IPO11: variants seen among roughly 807,000 people sequenced by gnomAD.
The protein encoded by IPO11 is importin-11.
A neutral mutation model predicts 143.2 loss-of-function variants in IPO11; 66 were observed. That is an observed-to-expected ratio of 0.46 (90% CI 0.38 to 0.57). The LOEUF (loss-of-function observed/expected upper bound fraction) is 0.57. IPO11 is among the 20% of genes least tolerant of loss of function. IPO11 has a pLI of 0.00. For missense variants in IPO11, 1,026 were observed against 1,141.0 expected (o/e 0.90, Z 1.45); for synonymous variants, 385 against 377.8 (o/e 1.02, Z -0.22).
intron 24 of IPO11, among the ~76,000 whole-genome samples, chr5:62,546,132 T>G (rs1056205101): frequency 1.3e-5 from 2 of 152,210 alleles, no homozygotes; most frequent in Admixed American, 6.5e-5. Context: ...CATGCTGCTA[T>G]AAAGACACAT....
intron 9 of IPO11, among the ~76,000 whole-genome samples, chr5:62,479,893 A>G (rs1432769718): frequency 3.9e-5 from 6 of 151,912 alleles, no homozygotes; most frequent in South Asian, 2.1e-4. Context: ...TAGGTTGCCT[A>G]TTCACTCTCA....
intron 29 of IPO11, among the ~76,000 whole-genome samples, chr5:62,623,870 G>C (rs952078315): frequency 6.6e-6 from 1 of 151,400 alleles, no homozygotes; most frequent in South Asian, 2.1e-4. Flanking sequence ...TTATCCACCC[G>C]CCTCAGCCTT....
intron 27 of IPO11, among the ~76,000 whole-genome samples, chr5:62,571,590 A>G (rs1744132344): frequency 6.6e-6 from 1 of 152,204 alleles, no homozygotes; most frequent in Non-Finnish European, 1.5e-5. Context: ...ATAATAACTA[A>G]TAGAACACAT....
intron 29 of IPO11, among the ~76,000 whole-genome samples, chr5:62,616,744 A>AAT: frequency 7.0e-6 from 1 of 143,412 alleles, no homozygotes; most frequent in Non-Finnish European, 1.5e-5. Flanking sequence ...AAAAAAAAAA[A>AAT]ATCAGTGAGA....
intron 5 of IPO11, among the ~76,000 whole-genome samples, chr5:62,462,849 A>G (rs1745413129): frequency 6.7e-6 from 1 of 149,148 alleles, no homozygotes; most frequent in African/African-American, 2.5e-5. Context: ...TCTTACTTTT[A>G]ATTGAGGAAC....
chr5:62,613,569 C>T (rs1384965720), intron 29 of IPO11, among the ~76,000 whole-genome samples: 1 of 152,062 alleles, frequency 6.6e-6, no homozygotes, highest in African/African-American at 2.4e-5. Flanking sequence ...TCCCAAAGTA[C>T]TGGGATTACA....
At chr5:62,599,541 T>C (rs1745420159) in intron 28 of IPO11, among the ~76,000 whole-genome samples, 1 of 152,252 alleles carries the variant, frequency 6.6e-6, no homozygotes, top group African/African-American at 2.4e-5. Flanking sequence ...TTACTACAAG[T>C]ACCTTTAAAC....
intron 1 of IPO11, among the ~76,000 whole-genome samples, chr5:62,424,138 CT>C (rs11428881): frequency 7.2e-4 from 103 of 143,902 alleles, no homozygotes; most frequent in East Asian, 1.0e-3. Flanking sequence ...CCCACCTCAG[CT>C]TTTTTTTTTT....
intron 19 of IPO11, among the ~76,000 whole-genome samples, chr5:62,514,166 C>A (rs1044181246): frequency 6.6e-6 from 1 of 151,068 alleles, no homozygotes; most frequent in African/African-American, 2.5e-5. Context: ...CAGGCAGAGA[C>A]GCTCCTCACT....
At chr5:62,544,724 C>CTTA (rs1743093945) in intron 24 of IPO11, among the ~76,000 whole-genome samples, 1 of 152,136 alleles carries the variant, frequency 6.6e-6, no homozygotes, top group Non-Finnish European at 1.5e-5. Context: ...CCCAAAATCT[C>CTTA]CTTAAGCTGA....
chr5:62,589,411 T>C (rs750365927), intron 27 of IPO11, among the ~76,000 whole-genome samples: 1 of 152,156 alleles, frequency 6.6e-6, no homozygotes. Context: ...CCCTATTGGA[T>C]TGAGCCGAAG....
At chr5:62,580,099 TCA>T (rs766030459) in intron 27 of IPO11, 1 of 1,551,120 alleles carries the variant, frequency 6.4e-7, no homozygotes, top group Non-Finnish European at 8.7e-7. Flanking sequence ...AAAAGTACCA[TCA>T]AATGCCTTTG....
chr5:62,627,043 CAGAAGCAATTTTGTTACTGT>C, intron 29 of IPO11, 91 bp from the exon 30 acceptor site: 1 of 883,884 alleles, frequency 1.1e-6, no homozygotes, highest in Non-Finnish European at 1.7e-6. Flanking sequence ...AGAAGAGAGG[CAGAAGCAATTTTGTTACTGT>C]AGAAGAGATT....
chr5:62,476,354 A>T (rs181083680), intron 8 of IPO11, among the ~76,000 whole-genome samples: 1 of 152,268 alleles, frequency 6.6e-6, no homozygotes, highest in East Asian at 1.9e-4. Flanking sequence ...CTCCTTGACT[A>T]CTTTATTTTA....
intron 1 of IPO11, among the ~76,000 whole-genome samples, chr5:62,434,689 G>C (rs778991984): frequency 1.3e-4 from 20 of 151,990 alleles, no homozygotes; most frequent in Admixed American, 2.6e-4. Flanking sequence ...AAAAAATATT[G>C]GTTACATGTT....
chr5:62,455,787 C>A (rs887759227), intron 5 of IPO11, among the ~76,000 whole-genome samples: 20 of 151,628 alleles, frequency 1.3e-4, no homozygotes, highest in Non-Finnish European at 2.7e-4. Context: ...GAGAGAGGTG[C>A]TGTCTTGGCT....
chr5:62,487,779 T>G lies in IPO11; in HGVS notation c.1227T>G (p.Thr409=). 1 of 1,593,664 alleles carries G rather than the reference T, an allele frequency of 6.3e-7. No homozygotes were observed. Among genetic ancestry groups the G allele is most frequent in the African/African-American group, 1.3e-5 (1 of 74,330 alleles). The part of the protein sequence containing the change: ...DSWKYSLRPC[T]EVLFIDIFHE... ...TATTTTTCCCTCTCCAGCCATGCAC[T>G]GAAGTATTATTTATAGATATATTCC... is the stretch of plus-strand genomic sequence containing the variant. The change falls in exon 13 of 30, where the codon ACT becomes ACG. Residue 409 remains threonine (T), a synonymous_variant. Transcript: ENST00000325324.
chr5:62,607,991 A>G (rs570999476), intron 29 of IPO11, among the ~76,000 whole-genome samples: 46 of 152,020 alleles, frequency 3.0e-4, no homozygotes, highest in Non-Finnish European at 3.8e-4. Context: ...TAATTTTTGT[A>G]TTTTTAGGTT....
chr5:62,466,546 T>C (rs1580211903), intron 5 of IPO11, among the ~76,000 whole-genome samples: 1 of 152,198 alleles, frequency 6.6e-6, no homozygotes, highest in East Asian at 1.9e-4. Flanking sequence ...AAGATGTCAC[T>C]GGAAGATGTT....
Sources: gnomAD v4.1 joint callset for allele counts (sites outside exome capture counted in the v4.1 genomes callset) on GRCh38, gnomAD v4.1.1 for gene constraint, MANE v1.5 for transcripts, NCBI Gene and HGNC (gene_info 2026-07-23, HGNC 2026-07-21) for gene names.